MYBPC1: variants seen among roughly 807,000 people sequenced by gnomAD.
MYBPC1 encodes myosin binding protein C1.
Under a neutral mutation model 147.1 loss-of-function variants are expected in MYBPC1, and 52 were observed. The observed-to-expected ratio is 0.35, with a 90% CI of 0.28 to 0.45. MYBPC1 has a LOEUF of 0.45. Among genes scored for constraint, MYBPC1 ranks in the 20% least tolerant of loss-of-function variants. MYBPC1 has a pLI of 1.00. For missense variants in MYBPC1, 1,228 were observed against 1,440.3 expected (o/e 0.85, Z 2.39); for synonymous variants, 477 against 475.9 (o/e 1.00, Z -0.03).
intron 25 of MYBPC1, among the ~76,000 whole-genome samples, chr12:101,673,966 T>A (rs1899279253): frequency 6.6e-6 from 1 of 151,998 alleles, no homozygotes; most frequent in Admixed American, 6.6e-5. Context: ...GGCAGGAGAA[T>A]CGCTTGAACC....
chr12:101,649,470 T>C, intron 15 of MYBPC1, 44 bp downstream of exon 15: 1 of 1,601,118 alleles, frequency 6.2e-7, no homozygotes, highest in South Asian at 1.1e-5. Context: ...GGCTTATTAA[T>C]GATGGTTGTG....
chr12:101,675,292 A>G lies in MYBPC1; in HGVS notation c.2810A>G (p.Asp937Gly). ...ETASIDIQII[D>G]RPGPPQIVKI... ...GTGACACCATGAATTCATCCTGTAG[A>G]CCGTCCAGGTCCACCCCAAATTGTG... Residue 937 changes from aspartate to glycine, a missense_variant and splice_region_variant, in exon 26 of 32, where the codon GAC becomes GGC. By Grantham distance (94) the Asp-to-Gly change is moderately conservative (BLOSUM62 -1). This residue lies in a region of MYBPC1 where 1,077 missense variants were observed against 1,314.2 expected (regional missense o/e 0.82). Coordinates refer to ENST00000361466, the MANE Select transcript of MYBPC1 (RefSeq NM_002465.4). 1 of 1,614,060 alleles carries G rather than the reference A, an allele frequency of 6.2e-7. No homozygotes were observed. Among genetic ancestry groups the G allele is most frequent in the Admixed American group, 1.7e-5 (1 of 59,990 alleles).
intron 28 of MYBPC1, 140 bp from the exon 29 acceptor site, chr12:101,680,203 G>C (rs1950844121): frequency 1.2e-6 from 1 of 810,022 alleles, no homozygotes. Context: ...GTGAGAAATA[G>C]TGTCAAGTAA....
At chr12:101,663,653 C>A in intron 22 of MYBPC1, 93 bp downstream of exon 22, 1 of 1,378,662 alleles carries the variant, frequency 7.3e-7, no homozygotes. Flanking sequence ...GAGAACGCAT[C>A]ACCTTCCTAC....
chr12:101,644,599 A>C (rs1892681698), intron 11 of MYBPC1, 65 bp from the exon 12 acceptor site: 1 of 1,443,742 alleles, frequency 6.9e-7, no homozygotes, highest in African/African-American at 1.4e-5. Flanking sequence ...ACATGTATTG[A>C]CTATTTAAAT....
In MYBPC1 at chr12:101,618,481, T is replaced by C. The variant is rs189170689; in HGVS notation, c.103+1238T>C. Among the ~76,000 whole-genome samples, 50 of 152,326 alleles carry C rather than the reference T, an allele frequency of 3.3e-4. No individual in the cohort carries two copies. The East Asian group carries it at 8.5e-3, about 26-fold the overall frequency. ...CCTGGCTGAAATTATTGTAATATTA[T>C]TCTCTACAAGGCCAATGGGCATACA... is the stretch of plus-strand genomic sequence containing the variant. On this transcript the variant is annotated intron_variant, in intron 3 of 31. Coordinates refer to ENST00000361466, the MANE Select transcript of MYBPC1 (RefSeq NM_002465.4).
intron 7 of MYBPC1, 121 bp from the exon 8 acceptor site, chr12:101,631,900 T>G (rs1266626889): frequency 7.9e-7 from 1 of 1,267,540 alleles, no homozygotes; most frequent in Non-Finnish European, 1.2e-6. Context: ...CAGGACACAT[T>G]TGCCCTCCTA....
chr12:101,661,754 T>A (rs1896582812), intron 20 of MYBPC1, among the ~76,000 whole-genome samples: 1 of 151,552 alleles, frequency 6.6e-6, no homozygotes, highest in South Asian at 2.1e-4. Context: ...CCGGGCATGG[T>A]GGTGCGCACC....
intron 16 of MYBPC1, among the ~76,000 whole-genome samples, chr12:101,652,034 A>G (rs1894577927): frequency 6.6e-6 from 1 of 152,204 alleles, no homozygotes; most frequent in Non-Finnish European, 1.5e-5. Context: ...AAGTGTCACA[A>G]TGCCTTCCCA....
At chr12:101,678,370 G>A (rs1336198714) in intron 28 of MYBPC1, 132 bp downstream of exon 28, 46 of 1,313,302 alleles carry the variant, frequency 3.5e-5, no homozygotes, top group Admixed American at 8.6e-5. Flanking sequence ...AGGTGGTAGT[G>A]GTGGTAGATT....
Position 101,680,594 on chromosome 12 carries a change from A to G in MYBPC1, c.3433+65A>G, listed in dbSNP as rs1207473307. The G allele has an allele frequency of 1.9e-6, 3 of 1,585,712 alleles. No homozygotes were observed. In the African/African-American group the frequency reaches 4.0e-5, roughly 21 times the overall value. Reference sequence around the variant, plus strand: ...GAAAATCATTGAATTATTGTTCTTAATGCTTATTGTTCTTAATCCAAATTG... The same window carrying G: ...GAAAATCATTGAATTATTGTTCTTAGTGCTTATTGTTCTTAATCCAAATTG... On this transcript the variant is annotated intron_variant, in intron 29 of 31. Coordinates refer to ENST00000361466, the MANE Select transcript of MYBPC1 (RefSeq NM_002465.4).
chr12:101,693,059 G>C, the MYBPC1 span, among the ~76,000 whole-genome samples: 1 of 148,694 alleles, frequency 6.7e-6, no homozygotes, highest in African/African-American at 2.5e-5. Context: ...CCATTCTCCT[G>C]CCTCAGCCTC....
At chr12:101,596,042 C>A (rs927145864) in intron 1 of MYBPC1, among the ~76,000 whole-genome samples, 2 of 151,752 alleles carry the variant, frequency 1.3e-5, no homozygotes, top group Non-Finnish European at 2.9e-5. Context: ...TTTTTCCCTT[C>A]TGCAAATAAA....
intron 10 of MYBPC1, among the ~76,000 whole-genome samples, chr12:101,638,305 G>T (rs1302629675): frequency 6.6e-6 from 1 of 152,158 alleles, no homozygotes; most frequent in African/African-American, 2.4e-5. Flanking sequence ...TCCAGTGCCT[G>T]GCACATAGAA....
At position 101,631,713 on chromosome 12, in the gene MYBPC1, C is replaced by T. The variant is rs778339410; in HGVS notation, c.432C>T (p.His144=). 1.9e-6 allele frequency: 3 copies of T among 1,614,036 alleles called. No individual in the cohort carries two copies. In the East Asian group the frequency reaches 6.7e-5, roughly 36 times the overall value. ...AGCTGAAGGAAACCTTTGAGAGGCA[C>T]AGTCGGGTAAGGCCCTGAACTCCCA... ...HLQLKETFER[H]SRVYTFEMQI... Residue 144 remains histidine (H), a synonymous_variant, in exon 7 of 32, where the codon CAC becomes CAT. Transcript: ENST00000361466.
rs753075888 is a variant in MYBPC1, at chr12:101,659,684, G to A, written c.1780G>A (p.Gly594Ser). ...WSRGDKAIME[G>S]SGRIRTESYP... Reference sequence around the variant, plus strand: ...CTCCACTTCTTAGGCTATTATGGAAGGCAGTGGCCGGATAAGAACAGAATC... The same window carrying A: ...CTCCACTTCTTAGGCTATTATGGAAAGCAGTGGCCGGATAAGAACAGAATC... The change falls in exon 19 of 32, where the codon GGC becomes AGC. Residue 594 changes from glycine (G) to serine (S), a missense_variant. Gly to Ser is a moderately conservative substitution (Grantham distance 56). Coordinates refer to ENST00000361466, the MANE Select transcript of MYBPC1 (RefSeq NM_002465.4). 1 of 1,614,064 alleles carries A rather than the reference G, an allele frequency of 6.2e-7. No homozygotes were observed. Among genetic ancestry groups the A allele is most frequent in the Non-Finnish European group, 8.5e-7 (1 of 1,179,980 alleles).
chr12:101,663,436 C>T lies in MYBPC1; in HGVS notation c.2232C>T (p.Ser744=). 1 of 1,613,618 alleles carries T rather than the reference C, an allele frequency of 6.2e-7. No individual in the cohort carries two copies. The highest frequency in any genetic ancestry group is 1.1e-5 in the South Asian group (1 of 91,054). ...TCTTTTATCTTTAAGCTGTAACAAG[C>T]CCTCCTACTCTTCTGACTGTGGACT... ...SRPFVPLAVT[S]PPTLLTVDSV... The change falls in exon 22 of 32, where the codon AGC becomes AGT. Residue 744 remains serine (S), a synonymous_variant. Coordinates refer to ENST00000361466, the MANE Select transcript of MYBPC1 (RefSeq NM_002465.4).
At chr12:101,694,718 C>T in the MYBPC1 span, among the ~76,000 whole-genome samples, 22 of 150,610 alleles carry the variant, frequency 1.5e-4, no homozygotes, top group East Asian at 3.9e-4. Flanking sequence ...ATTCAGTCTA[C>T]GGTATTTTAT....
chr12:101,664,569 A>G (rs1382689741), intron 22 of MYBPC1: 1 of 152,248 alleles, frequency 6.6e-6, no homozygotes, highest in East Asian at 1.9e-4. Flanking sequence ...GAGGAAACTC[A>G]CTATGGAGAT....
Sources: allele counts gnomAD v4.1 joint callset (sites outside exome capture counted in the v4.1 genomes callset), GRCh38; gene constraint gnomAD v4.1.1; regional missense constraint gnomAD v4.1.1; transcripts MANE v1.5; gene names NCBI Gene and HGNC (gene_info 2026-07-23, HGNC 2026-07-21).